Variants in MAGI2 observed in about 807,000 individuals in gnomAD.
MAGI2 encodes the protein membrane associated guanylate kinase, WW and PDZ domain containing 2.
MAGI2 carries 35 observed loss-of-function variants against 133.3 expected under a neutral mutation model. The observed-to-expected ratio is 0.26, with a 90% CI of 0.20 to 0.35. MAGI2 has a LOEUF of 0.35. Among genes scored for constraint, MAGI2 ranks in the 10% least tolerant of loss-of-function variants. MAGI2 has a pLI of 1.00. For missense variants in MAGI2, 1,636 were observed against 1,863.4 expected (o/e 0.88, Z 2.25); for synonymous variants, 729 against 710.6 (o/e 1.03, Z -0.41).
intron 3 of MAGI2, among the ~76,000 whole-genome samples, chr7:78,589,978 A>G (rs1329811949): frequency 1.3e-5 from 2 of 152,224 alleles, no homozygotes; most frequent in East Asian, 3.9e-4. Context: ...ACAAACTGCT[A>G]TGAAACTGGA....
At chr7:79,201,905 T>C (rs541574450) in intron 1 of MAGI2, among the ~76,000 whole-genome samples, 2 of 152,176 alleles carry the variant, frequency 1.3e-5, no homozygotes, top group South Asian at 2.1e-4. Context: ...CTAAGACTCA[T>C]AGCATACTTT....
chr7:78,417,963 G>A (rs1798452271), intron 6 of MAGI2, among the ~76,000 whole-genome samples: 1 of 152,116 alleles, frequency 6.6e-6, no homozygotes, highest in Non-Finnish European at 1.5e-5. Flanking sequence ...TGAGGACCTG[G>A]TCATGGCTCT....
chr7:78,774,610 C>T (rs917866525), intron 2 of MAGI2, among the ~76,000 whole-genome samples: 1 of 152,154 alleles, frequency 6.6e-6, no homozygotes, highest in Non-Finnish European at 1.5e-5. Context: ...GGCTGATTTC[C>T]TTAGTTTGCC....
chr7:78,589,940 G>T (rs1255184005), intron 3 of MAGI2, among the ~76,000 whole-genome samples: 2 of 152,150 alleles, frequency 1.3e-5, no homozygotes, highest in Non-Finnish European at 2.9e-5. Flanking sequence ...CTGGCAGTTT[G>T]CTTGGTTCCT....
chr7:78,242,153 T>C (rs962221350), intron 10 of MAGI2, among the ~76,000 whole-genome samples: 3 of 152,064 alleles, frequency 2.0e-5, no homozygotes, highest in African/African-American at 7.2e-5. Context: ...TAGAACTGAG[T>C]TCTGGCCAAT....
chr7:78,101,081 G>T lies in MAGI2; in HGVS notation c.3568-21996C>A, dbSNP rs1014649250. On this transcript the variant is annotated intron_variant, in intron 20 of 21. Coordinates refer to ENST00000354212, the MANE Select transcript of MAGI2 (RefSeq NM_012301.4). ...ACACAAATAAAGGAAATGATATCCT[G>T]TGTTCATGGATTGGAAGAACAAATA... Among the ~76,000 whole-genome samples the T allele has an allele frequency of 2.0e-5, 3 of 152,126 alleles. No individual in the cohort carries two copies. In the East Asian group the frequency reaches 5.8e-4, roughly 29 times the overall value.
intron 2 of MAGI2, among the ~76,000 whole-genome samples, chr7:78,941,846 C>G (rs2151681521): frequency 6.6e-6 from 1 of 152,010 alleles, no homozygotes; most frequent in South Asian, 2.1e-4. Flanking sequence ...CCCCCTACCC[C>G]TCCTTTTCTT....
At chr7:79,135,719 T>C (rs1051560134) in intron 1 of MAGI2, among the ~76,000 whole-genome samples, 1 of 151,824 alleles carries the variant, frequency 6.6e-6, no homozygotes, top group Non-Finnish European at 1.5e-5. Flanking sequence ...GGATGAGAGA[T>C]AGCTTGAGGT....
intron 1 of MAGI2, among the ~76,000 whole-genome samples, chr7:79,103,688 T>C (rs1410667745): frequency 1.3e-5 from 2 of 151,792 alleles, no homozygotes; most frequent in Non-Finnish European, 2.9e-5. Context: ...TATTTATTTA[T>C]TTATTTATTT....
intron 3 of MAGI2, among the ~76,000 whole-genome samples, chr7:78,625,464 T>TA (rs546914465): frequency 3.0e-4 from 45 of 150,760 alleles, no homozygotes; most frequent in African/African-American, 7.0e-4. Flanking sequence ...GTCAAAAAGT[T>TA]AAAAAAAAAT....
At chr7:78,406,059 G>A (rs557256189) in intron 6 of MAGI2, among the ~76,000 whole-genome samples, 2 of 152,034 alleles carry the variant, frequency 1.3e-5, no homozygotes, top group Admixed American at 1.3e-4. Flanking sequence ...GTAAAAGTTT[G>A]AAAAATAATT....
chr7:78,111,945 C>A (rs886928180), intron 20 of MAGI2, among the ~76,000 whole-genome samples: 1 of 152,156 alleles, frequency 6.6e-6, no homozygotes, highest in African/African-American at 2.4e-5. Context: ...AATGCAGGGC[C>A]CTCGAAATGA....
intron 10 of MAGI2, among the ~76,000 whole-genome samples, chr7:78,242,750 G>A (rs12536887): frequency 0.16 from 24,444 of 151,940 alleles, 2,531 homozygotes; most frequent in Middle Eastern, 0.27. Flanking sequence ...GTCTTTTGTT[G>A]TTGTGGTCAT....
At chr7:78,747,131 T>A (rs1822998129) in intron 2 of MAGI2, among the ~76,000 whole-genome samples, 1 of 152,190 alleles carries the variant, frequency 6.6e-6, no homozygotes. Flanking sequence ...GCAGTTTTCC[T>A]AATTTTCAGA....
At position 79,453,498 on chromosome 7, in the gene MAGI2, A is replaced by C. The variant is rs1849442885; in HGVS notation, c.-178T>G. ...GATGGAGTGTGGACGAGGAATGGGG[A>C]GGATGAGAGGGACGGCTGGGCAGAG... is the stretch of plus-strand genomic sequence containing the variant. On this transcript the variant is annotated 5_prime_UTR_variant, in exon 1 of 22. Coordinates refer to ENST00000354212, the MANE Select transcript of MAGI2 (RefSeq NM_012301.4). 7.1e-7 allele frequency: 1 copy of C among 1,409,518 alleles called. No individual in the cohort carries two copies. The highest frequency in any genetic ancestry group is 9.2e-7 in the Non-Finnish European group (1 of 1,087,580). 87.3% of individuals were successfully genotyped at this position (1,409,518 alleles called of 1,614,324 possible).
chr7:79,346,220 C>G (rs773140716), intron 1 of MAGI2, among the ~76,000 whole-genome samples: 1 of 152,020 alleles, frequency 6.6e-6, no homozygotes, highest in Non-Finnish European at 1.5e-5. Flanking sequence ...CTTCAGCTCA[C>G]TTCCTACTTA....
intron 2 of MAGI2, among the ~76,000 whole-genome samples, chr7:78,958,506 TGTGAA>T: frequency 6.6e-6 from 1 of 152,156 alleles, no homozygotes; most frequent in Non-Finnish European, 1.5e-5. Flanking sequence ...CAATGAAAAT[TGTGAA>T]AATTATTTTT....
chr7:78,157,964 C>G (rs1824562736), intron 16 of MAGI2, among the ~76,000 whole-genome samples: 1 of 152,214 alleles, frequency 6.6e-6, no homozygotes, highest in Admixed American at 6.5e-5. Flanking sequence ...GTAGTTTTCA[C>G]TCCTGAATTT....
At chr7:78,050,891 A>G (rs55840901) in intron 21 of MAGI2, among the ~76,000 whole-genome samples, 15,539 of 152,042 alleles carry the variant, frequency 0.1, 798 homozygotes, top group African/African-American at 0.12. Flanking sequence ...ACTATCACTA[A>G]CTCAGCAGCA....
Sources: gnomAD v4.1 joint callset for allele counts (sites outside exome capture counted in the v4.1 genomes callset) on GRCh38, gnomAD v4.1.1 for gene constraint, MANE v1.5 for transcripts, NCBI Gene and HGNC (gene_info 2026-07-23, HGNC 2026-07-21) for gene names.